Variants in COQ5 observed in about 807,000 individuals in gnomAD.
The protein encoded by COQ5 is 2-methoxy-6-polyprenyl-1,4-benzoquinol methylase, mitochondrial.
A neutral mutation model predicts 40.5 loss-of-function variants in COQ5; 27 were observed. That is an observed-to-expected ratio of 0.67 (90% CI 0.49 to 0.92). COQ5 has a LOEUF of 0.92. Ranked by LOEUF, COQ5 falls within the 40% of genes least tolerant of loss-of-function variation. COQ5 has a pLI of 0.00. For missense variants in COQ5, 409 were observed against 406.4 expected, an observed-to-expected ratio of 1.01 and a Z score of -0.06; for synonymous variants, 141 against 150.0, an observed-to-expected ratio of 0.94 and a Z score of 0.44.
chr12:120,525,880 G>C (rs546683232), intron 1 of COQ5, among the ~76,000 whole-genome samples: 4 of 151,920 alleles, frequency 2.6e-5, no homozygotes, highest in Admixed American at 6.6e-5. Context: ...AGCTGAGATC[G>C]TGCCACCGCA....
At chr12:120,521,763 G>A (rs946089563) in intron 2 of COQ5, among the ~76,000 whole-genome samples, 1 of 151,820 alleles carries the variant, frequency 6.6e-6, no homozygotes, top group Admixed American at 6.6e-5. Flanking sequence ...TTGGGAGGCC[G>A]AGGCAGGCAG....
At chr12:120,511,863 AT>A (rs1433543314) in intron 3 of COQ5, among the ~76,000 whole-genome samples, 1 of 152,200 alleles carries the variant, frequency 6.6e-6, no homozygotes, top group African/African-American at 2.4e-5. Flanking sequence ...AGAATTCTCA[AT>A]TGGTTATTGG....
chr12:120,503,752 TGACTGG>T lies in COQ5; in HGVS notation c.*26_*31del. 6.6e-7 allele frequency: 1 copy of T among 1,506,760 alleles called. No homozygotes were observed. 93.3% of individuals were successfully genotyped at this position (1,506,760 alleles called of 1,614,324 possible). On this transcript the variant is annotated 3_prime_UTR_variant, in exon 7 of 7. Transcript: ENST00000288532. ...TCAGTTCCAGGCTTTCAACAGGATA[TGACTGG>T]TTCATGCTCCATGATAGGAAAGGAA... is the stretch of plus-strand genomic sequence containing the variant.
chr12:120,523,496 G>A (rs774927701), intron 1 of COQ5: 2 of 274,084 alleles, frequency 7.3e-6, no homozygotes, highest in Non-Finnish European at 1.4e-5. Context: ...CCTAAGTCGT[G>A]GATGGCATCA....
At chr12:120,522,139 C>G in intron 2 of COQ5, 75 bp downstream of exon 2, 1 of 1,499,472 alleles carries the variant, frequency 6.7e-7, no homozygotes, top group South Asian at 1.1e-5. Flanking sequence ...GTTAGGTGAG[C>G]TAGCTCATTA....
intron 1 of COQ5, chr12:120,524,105 GCAC>G (rs1349097028): frequency 4.0e-6 from 1 of 250,060 alleles, no homozygotes; most frequent in East Asian, 1.5e-4. Context: ...AATTTGGTGG[GCAC>G]CTAGATGCCA....
At chr12:120,526,344 T>C (rs899810008) in intron 1 of COQ5, 13 of 376,734 alleles carry the variant, frequency 3.5e-5, no homozygotes, top group African/African-American at 1.9e-4. Flanking sequence ...GAAATTCAAA[T>C]TGAGTGTCAG....
rs1449090607 is a variant in COQ5 at position 120,504,051 on chromosome 12, G to A, written c.801C>T (p.Ile267=). The A allele has an allele frequency of 1.2e-6, 2 of 1,610,220 alleles. No individual in the cohort carries two copies. Among genetic ancestry groups the A allele is most frequent in the Admixed American group, 1.7e-5 (1 of 60,002 alleles). Residue 267 remains isoleucine, a synonymous_variant, in exon 6 of 7, where the codon ATC becomes ATT. Coordinates refer to ENST00000288532, the MANE Select transcript of COQ5 (RefSeq NM_032314.4). ...RLYDLYSFQV[I]PVLGEVIAGD... ...CAGCGATGACCTCTCCCAGGACAGG[G>A]ATGACCTGGAAGCTATATAGATCAT...
chr12:120,503,617 T>C lies in COQ5; in HGVS notation c.*167A>G. ...AGCTCCAAAGAAAGCTGTAAAAAAGTGACAAGAATTTGTTCTTCCACTTTG... is the reference window on the plus strand; with the variant it reads ...AGCTCCAAAGAAAGCTGTAAAAAAGCGACAAGAATTTGTTCTTCCACTTTG... On this transcript the variant is annotated 3_prime_UTR_variant, in exon 7 of 7. Transcript: ENST00000288532. The C allele has an allele frequency of 1.4e-6, 1 of 703,140 alleles. No homozygotes were observed. Among genetic ancestry groups the C allele is most frequent in the Non-Finnish European group, 2.6e-6 (1 of 385,350 alleles). 43.6% of individuals were successfully genotyped at this position (703,140 alleles called of 1,614,324 possible).
rs201120226 is a variant in COQ5 at position 120,516,640 on chromosome 12, G to A, written c.501C>T (p.Val167=). The change falls in exon 3 of 7, where the codon GTC becomes GTT. Residue 167 remains valine (V), a synonymous_variant. Transcript: ENST00000288532. The stretch of plus-strand genomic sequence containing the variant: ...TCTCCTTGTTGATGTCACACACCAC[G>A]ACACGAGACCCGCCCAAGGAATCTT... ...NEEDSLGGSR[V]VVCDINKEML... is the part of the protein sequence containing the mutation. 164 of 1,613,922 alleles carry A rather than the reference G, an allele frequency of 1.0e-4. No homozygotes were observed. The highest frequency in any genetic ancestry group is 1.3e-4 in the Non-Finnish European group (156 of 1,180,018).
At chr12:120,505,491 G>A (rs528908491) in intron 4 of COQ5, among the ~76,000 whole-genome samples, 14 of 152,044 alleles carry the variant, frequency 9.2e-5, no homozygotes, top group East Asian at 5.8e-4. Flanking sequence ...AGGTTCAAGC[G>A]ATTCTCCTGC....
At chr12:120,512,883 C>G (rs540351317) in intron 3 of COQ5, among the ~76,000 whole-genome samples, 1 of 150,034 alleles carries the variant, frequency 6.7e-6, no homozygotes, top group Non-Finnish European at 1.5e-5. Flanking sequence ...CATGGCAAAA[C>G]CCTATCTCTA....
chr12:120,503,692 A>G lies in COQ5; in HGVS notation c.*92T>C, dbSNP rs1449712443. 6 of 884,428 alleles carry G rather than the reference A, an allele frequency of 6.8e-6. No homozygotes were observed. The highest frequency in any genetic ancestry group is 7.6e-6 in the Non-Finnish European group (4 of 528,562). The allele number at this position is 884,428 out of a possible 1,614,324, so 54.8% of individuals were successfully genotyped here. Reference sequence around the variant, plus strand: ...CCAAGGCACGTATCCTTAAGAGGAGATGCTCTGCTGCTGTCTCATTTGCCA... The same window carrying G: ...CCAAGGCACGTATCCTTAAGAGGAGGTGCTCTGCTGCTGTCTCATTTGCCA... On this transcript the variant is annotated 3_prime_UTR_variant, in exon 7 of 7. Coordinates refer to ENST00000288532, the MANE Select transcript of COQ5 (RefSeq NM_032314.4).
chr12:120,515,088 T>C (rs1265389406), intron 3 of COQ5, among the ~76,000 whole-genome samples: 2 of 151,282 alleles, frequency 1.3e-5, no homozygotes, highest in Non-Finnish European at 2.9e-5. Flanking sequence ...CCACCACGCC[T>C]GGCCAAATTT....
At chr12:120,528,673 G>A (rs1381541205) in intron 1 of COQ5, among the ~76,000 whole-genome samples, 1 of 151,350 alleles carries the variant, frequency 6.6e-6, no homozygotes, top group East Asian at 2.0e-4. Flanking sequence ...GCGTGCTGGC[G>A]GGCGCCTGTA....
chr12:120,515,250 CT>C (rs1869330745), intron 3 of COQ5, among the ~76,000 whole-genome samples: 1 of 152,124 alleles, frequency 6.6e-6, no homozygotes, highest in South Asian at 2.1e-4. Context: ...TACCACCACA[CT>C]TGGCTAACTT....
intron 4 of COQ5, among the ~76,000 whole-genome samples, chr12:120,505,356 G>A (rs546401496): frequency 2.0e-5 from 3 of 152,046 alleles, no homozygotes; most frequent in Admixed American, 1.3e-4. Flanking sequence ...TGACATGTAC[G>A]TGGGTTATTC....
At chr12:120,513,278 C>T (rs1293799384) in intron 3 of COQ5, among the ~76,000 whole-genome samples, 3 of 149,326 alleles carry the variant, frequency 2.0e-5, no homozygotes, top group East Asian at 2.1e-4. Context: ...CCGAGGCGGG[C>T]GGATCACAAG....
chr12:120,526,372 T>C (rs963268922), intron 1 of COQ5: 8 of 413,664 alleles, frequency 1.9e-5, no homozygotes, highest in Non-Finnish European at 3.4e-5. Context: ...ATAGGAGAAA[T>C]AGATGACTGT....
Sources: allele counts gnomAD v4.1 joint callset (sites outside exome capture counted in the v4.1 genomes callset), GRCh38; gene constraint gnomAD v4.1.1; transcripts MANE v1.5; gene names NCBI Gene and HGNC (gene_info 2026-07-23, HGNC 2026-07-21).